The following FAM114A2 variants were observed in gnomAD, a reference collection of about 807,000 sequenced individuals.
FAM114A2 encodes the protein family with sequence similarity 114 member A2.
Under a neutral mutation model 58.4 loss-of-function variants are expected in FAM114A2, and 53 were observed. The observed-to-expected ratio is 0.91, with a 90% CI of 0.73 to 1.14. The LOEUF is 1.14. Among genes scored for constraint, FAM114A2 ranks in the 50% most tolerant of loss-of-function variants. The pLI, the probability that FAM114A2 is intolerant of heterozygous loss-of-function variation, is 0.00. For missense variants in FAM114A2, 601 were observed against 581.1 expected, an observed-to-expected ratio of 1.03 and a Z score of -0.35; for synonymous variants, 228 against 211.4, an observed-to-expected ratio of 1.08 and a Z score of -0.68.
At chr5:154,038,791 C>T (rs542913618) in intron 1 of FAM114A2, 66 bp downstream of exon 1, 1 of 152,748 alleles carries the variant, frequency 6.5e-6, no homozygotes, top group Non-Finnish European at 1.5e-5. Flanking sequence ...TCCCTAACGA[C>T]TTCGGCTGCC....
intron 9 of FAM114A2, among the ~76,000 whole-genome samples, chr5:154,004,464 A>G (rs1160889676): frequency 6.6e-6 from 1 of 152,126 alleles, no homozygotes; most frequent in Non-Finnish European, 1.5e-5. Flanking sequence ...TCTAGACCTG[A>G]CCTCTCCTGA....
intron 4 of FAM114A2, among the ~76,000 whole-genome samples, chr5:154,030,937 G>T (rs149686360): frequency 3.3e-5 from 5 of 152,108 alleles, no homozygotes; most frequent in African/African-American, 4.8e-5. Context: ...GGAGACTTCG[G>T]AAGAGTCAAG....
chr5:153,995,861 G>A (rs899242228), intron 12 of FAM114A2, among the ~76,000 whole-genome samples: 3 of 152,158 alleles, frequency 2.0e-5, no homozygotes, highest in Non-Finnish European at 2.9e-5. Context: ...GCTGGCAACT[G>A]CATACTGTGA....
intron 8 of FAM114A2, among the ~76,000 whole-genome samples, chr5:154,016,060 T>G (rs1354985674): frequency 6.6e-6 from 1 of 152,026 alleles, no homozygotes; most frequent in African/African-American, 2.4e-5. Flanking sequence ...AATTAACCCA[T>G]TCCAACAAAG....
chr5:153,993,538 G>A (rs755788676), intron 13 of FAM114A2, among the ~76,000 whole-genome samples: 3 of 152,040 alleles, frequency 2.0e-5, no homozygotes, highest in Admixed American at 6.6e-5. Flanking sequence ...GACTCAATGC[G>A]ATCAGTGAGC....
chr5:154,023,352 G>T (rs946109633), intron 8 of FAM114A2, among the ~76,000 whole-genome samples: 1 of 152,080 alleles, frequency 6.6e-6, no homozygotes, highest in Non-Finnish European at 1.5e-5. Flanking sequence ...ATTCAAAAGT[G>T]CAAAAATGTG....
At position 154,020,440 on chromosome 5, in the gene FAM114A2, C is replaced by T. The variant is rs189326631; in HGVS notation, c.913+5959G>A. ...AGAAGAGAGAAGAATCAAATAGATG[C>T]AATAAAAAAATGATGAAGAGTATAT... On this transcript the variant is annotated intron_variant, in intron 8 of 13. Transcript: ENST00000351797. Among the ~76,000 whole-genome samples, 857 of 151,998 alleles carry T rather than the reference C, an allele frequency of 5.6e-3. 9 individuals carry two copies. The highest frequency in any genetic ancestry group is 0.02 in the African/African-American group (812 of 41,494).
At chr5:154,031,803 G>A (rs990391232) in intron 4 of FAM114A2, among the ~76,000 whole-genome samples, 45 of 152,200 alleles carry the variant, frequency 3.0e-4, no homozygotes, top group African/African-American at 1.1e-3. Context: ...ACTTTCTCTT[G>A]TAAGACTTTA....
chr5:154,016,713 T>A (rs1286389126), intron 8 of FAM114A2, among the ~76,000 whole-genome samples: 5 of 147,186 alleles, frequency 3.4e-5, no homozygotes, highest in Non-Finnish European at 6.0e-5. Flanking sequence ...AAAACAAAAA[T>A]ACAATTAAAA....
At chr5:154,031,011 A>C (rs1353980239) in intron 4 of FAM114A2, among the ~76,000 whole-genome samples, 1 of 152,124 alleles carries the variant, frequency 6.6e-6, no homozygotes, top group Non-Finnish European at 1.5e-5. Flanking sequence ...CACCCTAAAC[A>C]AGCTTTACAA....
chr5:154,011,964 A>G (rs189963273), intron 8 of FAM114A2, among the ~76,000 whole-genome samples: 1 of 152,326 alleles, frequency 6.6e-6, no homozygotes, highest in African/African-American at 2.4e-5. Flanking sequence ...GAAGAATTCA[A>G]ACTTTATAAT....
rs145110509 is a variant in FAM114A2, at chr5:153,999,925, G to A, written c.1257-2050C>T. Among the ~76,000 whole-genome samples the A allele has an allele frequency of 1.3e-3, 199 of 152,104 alleles. 1 individual carries two copies. Among genetic ancestry groups the A allele is most frequent in the African/African-American group, 4.7e-3 (193 of 41,504 alleles). On this transcript the variant is annotated intron_variant, in intron 11 of 13. Transcript: ENST00000351797. Reference sequence around the variant, plus strand: ...GATAAAGAAAATGTGGTGTGTATGCGTGTGTGTGTATATATGTATGTGTGT... The same window carrying A: ...GATAAAGAAAATGTGGTGTGTATGCATGTGTGTGTATATATGTATGTGTGT...
intron 1 of FAM114A2, chr5:154,038,430 G>C (rs1772745595): frequency 6.6e-6 from 1 of 152,148 alleles, no homozygotes; most frequent in African/African-American, 2.4e-5. Flanking sequence ...TGGAGTTCTG[G>C]GTCCCTATAA....
intron 1 of FAM114A2, chr5:154,036,354 T>C (rs1194550810): frequency 1.3e-5 from 2 of 152,188 alleles, no homozygotes; most frequent in African/African-American, 4.8e-5. Context: ...TAGAGCTCTT[T>C]GGCAATTAAA....
chr5:153,991,049 A>G lies in FAM114A2; in HGVS notation c.*1927T>C, dbSNP rs1769228355. ...GTTACTCAGAATTGGGCCTTTCATC[A>G]TTTCACTAGTGGTCCCTAACTCCAT... is the stretch of plus-strand genomic sequence containing the variant. On this transcript the variant is annotated 3_prime_UTR_variant, in exon 14 of 14. Transcript: ENST00000351797. 6.6e-6 allele frequency: 1 copy of G among 151,656 alleles called. No homozygotes were observed. Among genetic ancestry groups the G allele is most frequent in the Admixed American group, 6.6e-5 (1 of 15,202 alleles). 9.4% of individuals were successfully genotyped at this position (151,656 alleles called of 1,614,324 possible).
intron 11 of FAM114A2, among the ~76,000 whole-genome samples, chr5:153,999,866 A>T (rs1231491230): frequency 6.6e-6 from 1 of 152,196 alleles, no homozygotes; most frequent in East Asian, 1.9e-4. Context: ...ACAACAGCAA[A>T]GATATAGAAT....
intron 8 of FAM114A2, among the ~76,000 whole-genome samples, chr5:154,014,414 C>T (rs769811313): frequency 2.5e-4 from 38 of 152,162 alleles, no homozygotes; most frequent in Non-Finnish European, 2.9e-4. Context: ...CAAGAGAACC[C>T]ATATACCCTC....
intron 11 of FAM114A2, among the ~76,000 whole-genome samples, chr5:153,998,743 A>G (rs1769756810): frequency 6.6e-6 from 1 of 152,110 alleles, no homozygotes; most frequent in Non-Finnish European, 1.5e-5. Context: ...TCTAGCCACC[A>G]GAATCATGAG....
intron 1 of FAM114A2, among the ~76,000 whole-genome samples, chr5:154,036,001 C>A (rs1772534112): frequency 6.6e-6 from 1 of 151,978 alleles, no homozygotes; most frequent in African/African-American, 2.4e-5. Context: ...AGTGAAATAT[C>A]TTTGTATCTT....
Sources: gnomAD v4.1 joint callset for allele counts (sites outside exome capture counted in the v4.1 genomes callset) on GRCh38, gnomAD v4.1.1 for gene constraint, MANE v1.5 for transcripts, NCBI Gene and HGNC (gene_info 2026-07-23, HGNC 2026-07-21) for gene names.